FHIT: variants seen among roughly 807,000 people sequenced by gnomAD.
FHIT encodes the protein bis(5'-adenosyl)-triphosphatase.
FHIT carries 19 observed loss-of-function variants against 17.9 expected under a neutral mutation model. The ratio of observed to expected loss-of-function variants is 1.06; its 90% CI spans 0.74 to 1.56. FHIT has a LOEUF of 1.56. FHIT is among the 40% of genes most tolerant of loss of function. FHIT has a pLI of 0.00. For synonymous variants in FHIT, 81 were observed against 69.7 expected (o/e 1.16, Z -0.81); for missense variants, 248 against 189.2 (o/e 1.31, Z -1.82).
At chr3:60,745,454 C>T (rs1389124137) in intron 4 of FHIT, among the ~76,000 whole-genome samples, 2 of 152,176 alleles carry the variant, frequency 1.3e-5, no homozygotes, top group African/African-American at 4.8e-5. Context: ...TTGTGGAGCA[C>T]TTCAAAGATT....
At chr3:59,987,814 T>C (rs1709052153) in intron 7 of FHIT, among the ~76,000 whole-genome samples, 1 of 152,028 alleles carries the variant, frequency 6.6e-6, no homozygotes, top group Non-Finnish European at 1.5e-5. Context: ...TGAAGGGATA[T>C]TTCAAGGAAA....
chr3:60,090,465 A>G (rs1402745565), intron 5 of FHIT, among the ~76,000 whole-genome samples: 4 of 152,202 alleles, frequency 2.6e-5, no homozygotes, highest in Non-Finnish European at 5.9e-5. Flanking sequence ...AGGATTATCA[A>G]GTGAGCTGGG....
chr3:61,047,671 T>C (rs1399134195), intron 2 of FHIT, among the ~76,000 whole-genome samples: 2 of 152,102 alleles, frequency 1.3e-5, no homozygotes, highest in Admixed American at 1.3e-4. Context: ...CCCACATTGC[T>C]AAGTCAATCC....
At chr3:60,260,117 A>C (rs1425524959) in intron 5 of FHIT, among the ~76,000 whole-genome samples, 7 of 152,112 alleles carry the variant, frequency 4.6e-5, no homozygotes, top group Non-Finnish European at 8.8e-5. Flanking sequence ...AATTCTGTGC[A>C]TCTAACCACT....
chr3:60,432,502 T>C (rs1220978844), intron 5 of FHIT, among the ~76,000 whole-genome samples: 1 of 152,092 alleles, frequency 6.6e-6, no homozygotes, highest in African/African-American at 2.4e-5. Flanking sequence ...GGTAAATATA[T>C]CACTATATAG....
intron 5 of FHIT, chr3:60,536,501 A>G (rs2035985499): frequency 5.4e-6 from 1 of 186,272 alleles, no homozygotes; most frequent in African/African-American, 2.3e-5. Flanking sequence ...AATTCACAAC[A>G]GATAAGCTGA....
intron 4 of FHIT, among the ~76,000 whole-genome samples, chr3:60,708,452 A>G (rs556869094): frequency 2.6e-5 from 4 of 152,326 alleles, no homozygotes; most frequent in African/African-American, 9.6e-5. Flanking sequence ...TGTGACACCC[A>G]TGACATATTT....
intron 8 of FHIT, among the ~76,000 whole-genome samples, chr3:59,773,007 C>T (rs1375173288): frequency 2.0e-5 from 3 of 152,176 alleles, no homozygotes; most frequent in Admixed American, 1.3e-4. Context: ...CTCATATGTA[C>T]CACAAGTCCT....
At chr3:60,435,720 TG>T (rs2030164060) in intron 5 of FHIT, among the ~76,000 whole-genome samples, 2 of 152,128 alleles carry the variant, frequency 1.3e-5, no homozygotes, top group South Asian at 4.1e-4. Context: ...ACATGTGTCA[TG>T]GGGGTTTGTT....
chr3:61,153,005 T>C (rs1050521178), intron 2 of FHIT, among the ~76,000 whole-genome samples: 1 of 152,056 alleles, frequency 6.6e-6, no homozygotes, highest in South Asian at 2.1e-4. Context: ...CAGCCGGGCG[T>C]GGTGACACGC....
chr3:60,784,986 A>G (rs945425383), intron 4 of FHIT, among the ~76,000 whole-genome samples: 1 of 152,152 alleles, frequency 6.6e-6, no homozygotes, highest in African/African-American at 2.4e-5. Context: ...GTTGTTTATG[A>G]GCCACCTGGT....
intron 5 of FHIT, among the ~76,000 whole-genome samples, chr3:60,052,905 G>C (rs552191528): frequency 1.3e-5 from 2 of 151,588 alleles, no homozygotes; most frequent in African/African-American, 2.4e-5. Context: ...TTATTTATCA[G>C]AAAGTCAAAT....
intron 2 of FHIT, among the ~76,000 whole-genome samples, chr3:61,055,683 G>A (rs192258585): frequency 6.6e-6 from 1 of 152,108 alleles, no homozygotes; most frequent in African/African-American, 2.4e-5. Context: ...GTGTCCTCAA[G>A]GAGCTCAGGA....
intron 3 of FHIT, among the ~76,000 whole-genome samples, chr3:60,859,723 A>ATTTTGTTTTTTTTT (rs1703547600): frequency 1.9e-5 from 1 of 51,886 alleles, no homozygotes; most frequent in African/African-American, 7.6e-5. Flanking sequence ...TCTGAATACG[A>ATTTTGTTTTTTTTT]TTTTTTTTTT....
Position 60,111,035 on chromosome 3 carries a change from T to C in FHIT, c.104-96883A>G, listed in dbSNP as rs577772181. ...GTCAGAAGTAACTCATACATCCATA[T>C]TGTCAGAGGTGAACTATACAAAATA... On this transcript the variant is annotated intron_variant, in intron 5 of 9. Transcript: ENST00000492590. 3.5e-4 allele frequency among the ~76,000 whole-genome samples: 53 copies of C among 152,282 alleles called. 1 individual carries two copies. The South Asian group carries it at 0.01, about 30-fold the overall frequency.
intron 5 of FHIT, among the ~76,000 whole-genome samples, chr3:60,113,983 T>C (rs7641907): frequency 0.78 from 60,637 of 77,752 alleles, 23,953 homozygotes; most frequent in South Asian, 0.87. Context: ...GCCTGGGCAA[T>C]AGAACAAGAC....
intron 8 of FHIT, among the ~76,000 whole-genome samples, chr3:59,863,094 G>C (rs1049141209): frequency 6.6e-6 from 1 of 152,222 alleles, no homozygotes; most frequent in Non-Finnish European, 1.5e-5. Flanking sequence ...TCCTATCCAA[G>C]GAATACGGGC....
chr3:60,197,633 T>G (rs1702706575), intron 5 of FHIT, among the ~76,000 whole-genome samples: 1 of 152,208 alleles, frequency 6.6e-6, no homozygotes, highest in Non-Finnish European at 1.5e-5. Context: ...ATCCAGCTTT[T>G]GAATATTTTC....
At chr3:60,865,956 G>A (rs1173768445) in intron 3 of FHIT, among the ~76,000 whole-genome samples, 1 of 151,880 alleles carries the variant, frequency 6.6e-6, no homozygotes, top group Non-Finnish European at 1.5e-5. Flanking sequence ...TTTTTAAATG[G>A]TCAAAATCCT....
Sources: gnomAD v4.1 joint callset for allele counts (sites outside exome capture counted in the v4.1 genomes callset) on GRCh38, gnomAD v4.1.1 for gene constraint, MANE v1.5 for transcripts, NCBI Gene and HGNC (gene_info 2026-07-23, HGNC 2026-07-21) for gene names.